The following CARS2 variants were observed in gnomAD, a reference collection of about 807,000 sequenced individuals.
CARS2 encodes the protein cysteinyl-tRNA synthetase 2, mitochondrial, also known as probable cysteine--tRNA ligase, mitochondrial.
In CARS2, 52 loss-of-function variants were observed where a neutral mutation model predicts 68.8. The ratio of observed to expected loss-of-function variants is 0.76; its 90% CI spans 0.61 to 0.95. The LOEUF (loss-of-function observed/expected upper bound fraction) is 0.95, where lower values mean the gene tolerates loss of function less well. CARS2 is among the 40% of genes least tolerant of loss of function. The probability of loss-of-function intolerance (pLI) is 0.00; values close to 1 mark genes in which losing one functional copy is unlikely to be tolerated. For synonymous variants in CARS2, 314 were observed against 303.6 expected (o/e 1.03, Z -0.36); for missense variants, 780 against 754.2 (o/e 1.03, Z -0.40).
chr13:110,651,280 T>C, intron 9 of CARS2, 180 bp from the exon 10 acceptor site: 1 of 555,552 alleles, frequency 1.8e-6, no homozygotes, highest in Non-Finnish European at 3.2e-6. Context: ...ATTTCCTCAC[T>C]GAACTTTCCA....
rs11414164 is a variant in CARS2 at position 110,642,573 on chromosome 13, G to GCC, written c.1417-54_1417-53dup. ...CCCCCGGAGACTGTGGATTGTGGAT[G>GCC]CCCCCTCCCCACCCCGTGGTTGGGC... On this transcript the variant is annotated intron_variant, in intron 13 of 14. Coordinates refer to ENST00000257347, the MANE Select transcript of CARS2 (RefSeq NM_024537.4). 178 of 1,524,228 alleles carry GCC rather than the reference G, an allele frequency of 1.2e-4. No homozygotes were observed. The Middle Eastern group carries it at 1.7e-3, about 15-fold the overall frequency. 94.4% of individuals were successfully genotyped at this position (1,524,228 alleles called of 1,614,324 possible). A position where few individuals can be genotyped will look rare whatever the true frequency, so the allele number is the denominator to read the frequency against.
chr13:110,644,842 G>A (rs534731621), intron 12 of CARS2: 16 of 235,070 alleles, frequency 6.8e-5, no homozygotes, highest in Admixed American at 9.8e-5. Context: ...CCTGGTACGT[G>A]GCTCACATCA....
At chr13:110,698,111 G>C in intron 3 of CARS2, 1 of 385,264 alleles carries the variant, frequency 2.6e-6, no homozygotes, top group Non-Finnish European at 5.1e-6. Flanking sequence ...ACAAAAGGAA[G>C]ATGCATGGGT....
chr13:110,696,526 T>G (rs1304090069), intron 3 of CARS2, among the ~76,000 whole-genome samples: 2 of 152,220 alleles, frequency 1.3e-5, no homozygotes, highest in South Asian at 2.1e-4. Flanking sequence ...AATTACCTTT[T>G]CACTAAATAC....
chr13:110,691,749 T>C (rs571635576), intron 3 of CARS2, among the ~76,000 whole-genome samples: 8 of 152,216 alleles, frequency 5.3e-5, no homozygotes, highest in African/African-American at 1.9e-4. Context: ...ATCATCTGTT[T>C]ATGCGTGCTT....
At chr13:110,660,605 T>C (rs2062476551) in intron 9 of CARS2, among the ~76,000 whole-genome samples, 1 of 152,200 alleles carries the variant, frequency 6.6e-6, no homozygotes, top group Non-Finnish European at 1.5e-5. Context: ...GATGACCAGG[T>C]GCACTGTCAA....
intron 11 of CARS2, 81 bp from the exon 12 acceptor site, chr13:110,646,171 G>GGGA: frequency 1.3e-6 from 2 of 1,491,010 alleles, no homozygotes; most frequent in Non-Finnish European, 1.8e-6. Flanking sequence ...CTTCCCCAGG[G>GGGA]AGAGACGCTG....
At chr13:110,712,928 G>T in intron 1 of CARS2, 1 of 1,556,638 alleles carries the variant, frequency 6.4e-7, no homozygotes, top group Non-Finnish European at 8.7e-7. Context: ...GATGGCGCAG[G>T]CGCGGGAGCC....
In CARS2 at chr13:110,668,059, C is replaced by T. The variant is rs750818545; in HGVS notation, c.786-586G>A. On this transcript the variant is annotated intron_variant, in intron 7 of 14. Transcript: ENST00000257347. The surrounding 1 kb of genome is among the most constrained non-coding windows in gnomAD (Gnocchi z 4.1). ...CCCTGGACCAGCTGCAGAAGCATGG[C>T]GACGCAGCAGGCCGGTGGATTTTCT... Among the ~76,000 whole-genome samples the T allele has an allele frequency of 5.3e-5, 8 of 152,190 alleles. No individual in the cohort carries two copies. Among genetic ancestry groups the T allele is most frequent in the East Asian group, 1.9e-4 (1 of 5,196 alleles).
chr13:110,676,951 C>A lies in CARS2; in HGVS notation c.785+23G>T. The A allele has an allele frequency of 6.6e-7, 1 of 1,512,806 alleles. No homozygotes were observed. Among genetic ancestry groups the A allele is most frequent in the Non-Finnish European group, 8.9e-7 (1 of 1,123,716 alleles). The allele number at this position is 1,512,806 out of a possible 1,614,324, so 93.7% of individuals were successfully genotyped here. On this transcript the variant is annotated intron_variant, in intron 7 of 14. Coordinates refer to ENST00000257347, the MANE Select transcript of CARS2 (RefSeq NM_024537.4). This position sits in a 1 kb window ranked among gnomAD's most constrained non-coding sequence, Gnocchi z 4.0. ...ACCAGGGGAACTTGAGCCCCAACCC[C>A]CAGGAAGCGGCAGGCACCTTACCTA...
Position 110,676,981 on chromosome 13 carries a change from T to C in CARS2, c.778A>G (p.Ile260Val), listed in dbSNP as rs1404698696. Reference protein sequence around the residue: ...RPGWHIECSAIASMVFGSQLD... With the variant: ...RPGWHIECSAVASMVFGSQLD... ...AAGCGGCAGGCACCTTACCTAGCGATGGCAGAGCACTCGATGTGCCAGCCC... is the reference window on the plus strand; with the variant it reads ...AAGCGGCAGGCACCTTACCTAGCGACGGCAGAGCACTCGATGTGCCAGCCC... Residue 260 changes from isoleucine to valine, a missense_variant, in exon 7 of 15, where the codon ATC (isoleucine) becomes GTC (valine). Transcript: ENST00000257347. The surrounding 1 kb of genome is among the most constrained non-coding windows in gnomAD (Gnocchi z 4.0). 4.4e-6 allele frequency: 7 copies of C among 1,578,750 alleles called. No individual in the cohort carries two copies. Among genetic ancestry groups the C allele is most frequent in the African/African-American group, 2.7e-5 (2 of 73,994 alleles).
At chr13:110,709,838 C>T (rs1379680651), upstream of CARS2, among the ~76,000 whole-genome samples, 4 of 151,970 alleles carry the variant, frequency 2.6e-5, no homozygotes, top group Non-Finnish European at 2.9e-5. Context: ...ATTGAAGTCA[C>T]CTCCCTCTCC....
chr13:110,677,015 G>A lies in CARS2; in HGVS notation c.744C>T (p.Pro248=), dbSNP rs747726067. 8.7e-6 allele frequency: 14 copies of A among 1,601,966 alleles called. No homozygotes were observed. Among genetic ancestry groups the A allele is most frequent in the South Asian group, 5.5e-5 (5 of 90,618 alleles). The change falls in exon 7 of 15, where the codon CCC becomes CCT. Residue 248 remains proline, a synonymous_variant. Transcript: ENST00000257347. ...ACTCGATGTGCCAGCCCGGCCTCCC[G>A]GGTCCCCAGGGAGAGGCCCAGAACA... ...QEVFWASPWG[P]GRPGWHIECS... is the part of the protein sequence containing the mutation.
Position 110,705,884 on chromosome 13 carries a change from G to C in CARS2, c.210C>G (p.Ala70=). The C allele has an allele frequency of 6.4e-7, 1 of 1,565,836 alleles. No homozygotes were observed. Among genetic ancestry groups the C allele is most frequent in the Non-Finnish European group, 8.6e-7 (1 of 1,158,028 alleles). The change falls in exon 1 of 15, where the codon GCC becomes GCG. Residue 70 remains alanine, a synonymous_variant. Coordinates refer to ENST00000257347, the MANE Select transcript of CARS2 (RefSeq NM_024537.4). The surrounding 1 kb of genome is among the most constrained non-coding windows in gnomAD (Gnocchi z 4.0). Reference sequence around the variant, plus strand: ...GCGCGGCCCACCAGGAGGCGGCTTCGGCGTGCGCCACGATTAGGGGTTCCT... The same window carrying C: ...GCGCGGCCCACCAGGAGGCGGCTTCCGCGTGCGCCACGATTAGGGGTTCCT... ...GRKEPLIVAH[A]EAASWYSCGP...
intron 12 of CARS2, 138 bp from the exon 13 acceptor site, chr13:110,644,621 C>A (rs1887843177): frequency 6.9e-7 from 1 of 1,444,268 alleles, no homozygotes; most frequent in African/African-American, 1.4e-5. Context: ...GGAGGGAGGA[C>A]ACAGCTCTGG....
intron 9 of CARS2, among the ~76,000 whole-genome samples, chr13:110,651,838 G>A (rs999706946): frequency 4.6e-5 from 7 of 152,352 alleles, no homozygotes; most frequent in South Asian, 2.1e-4. Flanking sequence ...CCTGTGGGGC[G>A]CTCAGGGTTC....
chr13:110,710,786 C>G (rs1347766321), upstream of CARS2, among the ~76,000 whole-genome samples: 2 of 152,178 alleles, frequency 1.3e-5, no homozygotes, highest in African/African-American at 4.8e-5. Flanking sequence ...ACTACTGTAT[C>G]CCCAGCGCAC....
chr13:110,702,273 C>T (rs1236217614), intron 2 of CARS2, among the ~76,000 whole-genome samples: 2 of 152,108 alleles, frequency 1.3e-5, no homozygotes, highest in Non-Finnish European at 2.9e-5. Flanking sequence ...TCACTTTAAC[C>T]TCCCACACAC....
chr13:110,680,447 G>A (rs1481297698), intron 6 of CARS2, among the ~76,000 whole-genome samples: 1 of 152,196 alleles, frequency 6.6e-6, no homozygotes, highest in African/African-American at 2.4e-5. Flanking sequence ...AAAGCAGAAT[G>A]GGAGTTGCAC....
Sources: gnomAD v4.1 joint callset for allele counts (sites outside exome capture counted in the v4.1 genomes callset) on GRCh38, gnomAD v4.1.1 for gene constraint, Gnocchi (gnomAD v3.1) non-coding constraint, MANE v1.5 for transcripts, NCBI Gene and HGNC (gene_info 2026-07-23, HGNC 2026-07-21) for gene names.